Variants in PCDH15 observed in about 807,000 individuals in gnomAD.
PCDH15 encodes the protein protocadherin related 15.
A neutral mutation model predicts 178.5 loss-of-function variants in PCDH15; 129 were observed. The observed-to-expected ratio is 0.72, with a 90% CI of 0.63 to 0.84. The LOEUF (loss-of-function observed/expected upper bound fraction) is 0.84. Among genes scored for constraint, PCDH15 ranks in the 40% least tolerant of loss-of-function variants. PCDH15 has a pLI of 0.00. For missense variants in PCDH15, 2,230 were observed against 2,099.9 expected (o/e 1.06, Z -1.21); for synonymous variants, 800 against 732.0 (o/e 1.09, Z -1.50).
rs535352970 is a variant in PCDH15, at chr10:55,386,403, T to C, written c.-155-219752A>G. Among the ~76,000 whole-genome samples the C allele has an allele frequency of 6.0e-5, 9 of 149,870 alleles. No individual in the cohort carries two copies. The East Asian group carries it at 1.7e-3, about 29-fold the overall frequency. The stretch of plus-strand genomic sequence containing the variant: ...AAAAATTAATTTTAAAATGTGATAC[T>C]GGTCTGAGAAAGCATTTCACAAAAA... On this transcript the variant is annotated intron_variant, in intron 2 of 5. Transcript: ENST00000613346.
At chr10:54,934,911 G>C (rs1052899989) in intron 2 of PCDH15, among the ~76,000 whole-genome samples, 1 of 152,052 alleles carries the variant, frequency 6.6e-6, no homozygotes, top group Admixed American at 6.6e-5. Context: ...AAAAAAGGAT[G>C]AGTTCATGTC....
intron 3 of PCDH15, among the ~76,000 whole-genome samples, chr10:54,449,585 G>T (rs1384527998): frequency 1.3e-5 from 2 of 151,726 alleles, no homozygotes; most frequent in Non-Finnish European, 1.5e-5. Context: ...AAACTGGGTG[G>T]CAAAAACTGA....
In PCDH15 at chr10:54,023,816, A is replaced by G. The variant is rs188756847; in HGVS notation, c.2221-619T>C. The stretch of plus-strand genomic sequence containing the variant: ...TTAATCTCATTTTACAAATGAGAAC[A>G]CTGTGGCTTATGGAAGGTTACACAA... On this transcript the variant is annotated intron_variant, in intron 18 of 37. Coordinates refer to ENST00000644397, the MANE Select transcript of PCDH15 (RefSeq NM_001384140.1). Among the ~76,000 whole-genome samples the G allele has an allele frequency of 2.8e-4, 42 of 151,944 alleles. 1 individual carries two copies. The highest frequency in any genetic ancestry group is 2.3e-3 in the Admixed American group (35 of 15,242).
intron 25 of PCDH15, among the ~76,000 whole-genome samples, chr10:53,915,680 C>T (rs749561635): frequency 6.6e-5 from 10 of 152,150 alleles, no homozygotes; most frequent in Non-Finnish European, 1.3e-4. Context: ...CTGCCTCAGC[C>T]TCCCGAGTAG....
chr10:54,473,388 T>G (rs897428334), intron 3 of PCDH15, among the ~76,000 whole-genome samples: 27 of 152,230 alleles, frequency 1.8e-4, no homozygotes, highest in African/African-American at 6.5e-4. Flanking sequence ...TGAGAAATAC[T>G]AGGGTAAGCA....
At chr10:54,554,555 G>GA (rs1451594591) in intron 2 of PCDH15, among the ~76,000 whole-genome samples, 6 of 152,134 alleles carry the variant, frequency 3.9e-5, no homozygotes, top group Admixed American at 1.3e-4. Flanking sequence ...ACACAGTGGA[G>GA]AAAATATTTT....
chr10:54,024,159 C>T (rs1242658630), intron 18 of PCDH15, among the ~76,000 whole-genome samples: 1 of 152,018 alleles, frequency 6.6e-6, no homozygotes, highest in Non-Finnish European at 1.5e-5. Context: ...AAATATTCAT[C>T]GAATGAAATG....
At chr10:55,514,867 G>T (rs1048927193) in intron 2 of PCDH15, among the ~76,000 whole-genome samples, 1 of 151,924 alleles carries the variant, frequency 6.6e-6, no homozygotes, top group Admixed American at 6.6e-5. Context: ...GAGAAAGAGA[G>T]ATTGTACTTT....
chr10:55,039,507 A>G (rs1280491041), intron 2 of PCDH15, among the ~76,000 whole-genome samples: 3 of 152,146 alleles, frequency 2.0e-5, no homozygotes, highest in Non-Finnish European at 2.9e-5. Context: ...GTAGTTATGC[A>G]TATAAAAAGG....
chr10:54,731,553 T>TATATATATATATATATATAG (rs1566067279), intron 1 of PCDH15, among the ~76,000 whole-genome samples: 920 of 40,322 alleles, frequency 0.023, 58 homozygotes, highest in African/African-American at 0.063. Context: ...TAGATATATA[T>TATATATATATATATATATAG]ATATATATAT....
intron 26 of PCDH15, among the ~76,000 whole-genome samples, chr10:53,897,997 C>T (rs866139099): frequency 3.9e-4 from 42 of 106,934 alleles, no homozygotes; most frequent in African/African-American, 1.2e-3. Flanking sequence ...GACAGAGTCT[C>T]GCTCTGTCGC....
intron 2 of PCDH15, among the ~76,000 whole-genome samples, chr10:55,391,861 G>A (rs1001565450): frequency 3.9e-5 from 6 of 152,172 alleles, no homozygotes; most frequent in African/African-American, 1.4e-4. Flanking sequence ...GGCCTAAGAG[G>A]CCTAGCTTTC....
intron 27 of PCDH15, among the ~76,000 whole-genome samples, chr10:53,858,542 A>T (rs1589126041): frequency 6.6e-6 from 1 of 152,194 alleles, no homozygotes. Flanking sequence ...GAAAAAAAGA[A>T]ATCCAAAATA....
intron 26 of PCDH15, among the ~76,000 whole-genome samples, chr10:53,874,108 A>G (rs2080056233): frequency 6.6e-6 from 1 of 152,184 alleles, no homozygotes; most frequent in African/African-American, 2.4e-5. Context: ...CATAGTACTG[A>G]TGGGAGCTTT....
At chr10:55,270,345 C>T (rs540285088) in intron 1 of PCDH15, among the ~76,000 whole-genome samples, 4 of 151,616 alleles carry the variant, frequency 2.6e-5, no homozygotes, top group East Asian at 1.9e-4. Context: ...TACAGTAGAC[C>T]GACAACCTAC....
chr10:53,892,354 T>C (rs1254459648), intron 26 of PCDH15, among the ~76,000 whole-genome samples: 1 of 152,146 alleles, frequency 6.6e-6, no homozygotes, highest in Non-Finnish European at 1.5e-5. Context: ...CAAGCTTCCC[T>C]CATTCTTCAG....
chr10:54,085,609 A>G (rs11004059), intron 16 of PCDH15, among the ~76,000 whole-genome samples: 4,114 of 152,286 alleles, frequency 0.027, 181 homozygotes, highest in African/African-American at 0.09. Context: ...TATTAGAATC[A>G]TACAGATATG....
intron 5 of PCDH15, among the ~76,000 whole-genome samples, chr10:54,348,465 A>G (rs1354186591): frequency 1.3e-5 from 2 of 152,140 alleles, no homozygotes; most frequent in Admixed American, 1.3e-4. Flanking sequence ...CTGACGTTCA[A>G]TATTTTTCTT....
chr10:54,394,274 G>A (rs1415890027), intron 3 of PCDH15, among the ~76,000 whole-genome samples: 2 of 151,900 alleles, frequency 1.3e-5, no homozygotes, highest in Non-Finnish European at 2.9e-5. Context: ...GAAGATACAC[G>A]TAAATAAAAT....
Sources: allele counts gnomAD v4.1 joint callset (sites outside exome capture counted in the v4.1 genomes callset), GRCh38; gene constraint gnomAD v4.1.1; transcripts MANE v1.5; gene names NCBI Gene and HGNC (gene_info 2026-07-23, HGNC 2026-07-21).